EYA2: variants seen among roughly 807,000 people sequenced by gnomAD.
EYA2 encodes EYA transcriptional coactivator and phosphatase 2.
Under a neutral mutation model 69.2 loss-of-function variants are expected in EYA2, and 31 were observed. The ratio of observed to expected loss-of-function variants is 0.45; its 90% CI spans 0.34 to 0.60. The LOEUF is 0.60. EYA2 is among the 20% of genes least tolerant of loss of function. EYA2 has a pLI of 0.02. For missense variants in EYA2, 622 were observed against 701.2 expected (o/e 0.89, Z 1.28); for synonymous variants, 257 against 279.4 (o/e 0.92, Z 0.80).
chr20:47,179,906 A>C lies in EYA2; in HGVS notation c.1307A>C (p.Asn436Thr). Reference sequence around the variant, plus strand: ...TCCCTGAAGGCACTAAACCTCATCAACTCCCGGCAAGTGGCAGCCCTCATT... The same window carrying C: ...TCCCTGAAGGCACTAAACCTCATCACCTCCCGGCAAGTGGCAGCCCTCATT... Reference protein sequence around the residue: ...THSLKALNLINSRPNCVNVLV... With the variant: ...THSLKALNLITSRPNCVNVLV... The change falls in exon 13 of 16, where the codon AAC (asparagine) becomes ACC (threonine). Residue 436 changes from asparagine (N) to threonine (T), a missense_variant. Physicochemically the swap from Asn to Thr is moderately conservative, Grantham distance 65. This residue lies in a region of EYA2 where 257 missense variants were observed against 351.5 expected (regional missense o/e 0.73). Transcript: ENST00000327619. 6.2e-7 allele frequency: 1 copy of C among 1,613,020 alleles called. No homozygotes were observed. Among genetic ancestry groups the C allele is most frequent in the South Asian group, 1.1e-5 (1 of 90,998 alleles).
intron 12 of EYA2, among the ~76,000 whole-genome samples, chr20:47,175,150 G>A (rs769792538): frequency 1.3e-5 from 2 of 152,316 alleles, no homozygotes; most frequent in East Asian, 1.9e-4. Flanking sequence ...CACAGCCAGC[G>A]GCATGCCGGT....
intron 4 of EYA2, among the ~76,000 whole-genome samples, chr20:47,015,194 A>G (rs989932219): frequency 6.6e-6 from 1 of 152,188 alleles, no homozygotes; most frequent in Admixed American, 6.5e-5. Flanking sequence ...CAGGGATAGG[A>G]AGAGACTCTT....
chr20:47,095,238 T>A (rs1373854042), intron 8 of EYA2, among the ~76,000 whole-genome samples: 1 of 151,682 alleles, frequency 6.6e-6, no homozygotes, highest in East Asian at 1.9e-4. Flanking sequence ...ACTGCAAAAA[T>A]CAAAAATTTA....
intron 5 of EYA2, among the ~76,000 whole-genome samples, chr20:47,033,223 G>A (rs578095051): frequency 5.8e-4 from 88 of 152,260 alleles, no homozygotes; most frequent in Non-Finnish European, 8.1e-4. Context: ...GGCAAATACC[G>A]AAGCCTACTA....
intron 6 of EYA2, among the ~76,000 whole-genome samples, 194 bp from the exon 7 acceptor site, chr20:47,073,964 C>T (rs1020941280): frequency 1.3e-5 from 2 of 152,106 alleles, no homozygotes; most frequent in Admixed American, 1.3e-4. Context: ...CTGGTGTCTC[C>T]TTCACCTTCC....
At chr20:47,066,787 C>G (rs2031124461) in intron 5 of EYA2, among the ~76,000 whole-genome samples, 1 of 152,204 alleles carries the variant, frequency 6.6e-6, no homozygotes, top group East Asian at 1.9e-4. Flanking sequence ...GGGGACCCTC[C>G]AGGAGACCTG....
intron 5 of EYA2, among the ~76,000 whole-genome samples, chr20:47,067,234 C>A (rs2031145961): frequency 6.6e-6 from 1 of 152,278 alleles, no homozygotes. Flanking sequence ...GAAAACACTG[C>A]AGTCAGGAGT....
intron 9 of EYA2, among the ~76,000 whole-genome samples, chr20:47,121,009 C>G (rs1244245690): frequency 2.0e-5 from 3 of 152,110 alleles, no homozygotes; most frequent in Non-Finnish European, 4.4e-5. Context: ...AGCATTCTCC[C>G]CTGGAACCAT....
At chr20:46,969,549 GTTT>G (rs34904548) in intron 1 of EYA2, among the ~76,000 whole-genome samples, 10 of 139,156 alleles carry the variant, frequency 7.2e-5, no homozygotes, top group African/African-American at 2.6e-4. Context: ...CTCCTCTTTT[GTTT>G]TTGTTTGTTT....
At chr20:47,095,023 T>TAAA (rs869170189) in intron 8 of EYA2, among the ~76,000 whole-genome samples, 18 of 144,826 alleles carry the variant, frequency 1.2e-4, no homozygotes, top group South Asian at 2.2e-4. Flanking sequence ...CAAAAAAAAT[T>TAAA]TTTTTAATTA....
intron 1 of EYA2, among the ~76,000 whole-genome samples, chr20:46,905,519 A>G (rs183886885): frequency 4.3e-4 from 65 of 152,320 alleles, no homozygotes; most frequent in African/African-American, 1.4e-3. Flanking sequence ...TGAACAGCAC[A>G]TGGAAAAAGT....
intron 5 of EYA2, among the ~76,000 whole-genome samples, chr20:47,038,199 G>C (rs1280628968): frequency 6.6e-6 from 1 of 152,102 alleles, no homozygotes; most frequent in African/African-American, 2.4e-5. Context: ...GGGGCGGTCA[G>C]GGAAAAAAGT....
At chr20:47,103,353 A>G (rs1327243774) in intron 9 of EYA2, among the ~76,000 whole-genome samples, 1 of 152,178 alleles carries the variant, frequency 6.6e-6, no homozygotes, top group East Asian at 1.9e-4. Context: ...AAAGGGAATC[A>G]CACAGTACGT....
intron 7 of EYA2, among the ~76,000 whole-genome samples, chr20:47,075,573 T>C (rs757680567): frequency 6.6e-6 from 1 of 152,186 alleles, no homozygotes; most frequent in Non-Finnish European, 1.5e-5. Context: ...TAAAATCCGT[T>C]TGAGAACAGA....
chr20:47,098,177 G>T (rs1037410468), intron 9 of EYA2, among the ~76,000 whole-genome samples: 10 of 152,224 alleles, frequency 6.6e-5, no homozygotes, highest in African/African-American at 2.4e-4. Context: ...ATCTCTTGCC[G>T]TGTAGGAATG....
chr20:46,977,717 G>A (rs2146307997), intron 1 of EYA2, among the ~76,000 whole-genome samples: 1 of 152,192 alleles, frequency 6.6e-6, no homozygotes, highest in East Asian at 1.9e-4. Context: ...TCTAGCCTTT[G>A]CAAAGGAAAC....
At chr20:47,049,706 G>C (rs972805313) in intron 5 of EYA2, among the ~76,000 whole-genome samples, 1 of 151,384 alleles carries the variant, frequency 6.6e-6, no homozygotes, top group Non-Finnish European at 1.5e-5. Flanking sequence ...CACCATGCTT[G>C]TACAGCCTGC....
At chr20:47,010,065 T>C (rs1982962359) in intron 4 of EYA2, among the ~76,000 whole-genome samples, 1 of 152,190 alleles carries the variant, frequency 6.6e-6, no homozygotes, top group South Asian at 2.1e-4. Flanking sequence ...TTTTAGGGCT[T>C]TGTTTGTTTC....
chr20:47,099,530 A>G (rs374285354), intron 9 of EYA2, among the ~76,000 whole-genome samples: 1 of 152,284 alleles, frequency 6.6e-6, no homozygotes, highest in African/African-American at 2.4e-5. Flanking sequence ...CAATCACTCA[A>G]TCAATAAAAA....
Sources: allele counts gnomAD v4.1 joint callset (sites outside exome capture counted in the v4.1 genomes callset), GRCh38; gene constraint gnomAD v4.1.1; regional missense constraint gnomAD v4.1.1; transcripts MANE v1.5; gene names NCBI Gene and HGNC (gene_info 2026-07-23, HGNC 2026-07-21).